Variants in BTRC observed in about 807,000 individuals in gnomAD.
The protein encoded by BTRC is beta-transducin repeat containing E3 ubiquitin protein ligase.
A neutral mutation model predicts 85.5 loss-of-function variants in BTRC; 42 were observed. The ratio of observed to expected loss-of-function variants is 0.49; its 90% confidence interval spans 0.38 to 0.64. The LOEUF (loss-of-function observed/expected upper bound fraction) is 0.64, where lower values mean the gene tolerates loss of function less well. Among genes scored for constraint, BTRC ranks in the 30% least tolerant of loss-of-function variants. The pLI is 0.00. For missense variants in BTRC, 594 were observed against 743.5 expected (o/e 0.80, Z 2.34); for synonymous variants, 255 against 263.3 (o/e 0.97, Z 0.30).
intron 1 of BTRC, among the ~76,000 whole-genome samples, chr10:101,425,424 C>A (rs10883648): frequency 0.36 from 54,870 of 151,868 alleles, 11,002 homozygotes; most frequent in Middle Eastern, 0.48. Context: ...ATTGGGGTGA[C>A]GTTAGGTGGG....
intron 1 of BTRC, among the ~76,000 whole-genome samples, chr10:101,411,316 T>C (rs1381521698): frequency 4.6e-5 from 7 of 152,300 alleles, no homozygotes; most frequent in Admixed American, 1.3e-4. Context: ...TTTTATAGTT[T>C]TGTATGGGTT....
At chr10:101,438,982 T>C (rs1381014009) in intron 2 of BTRC, among the ~76,000 whole-genome samples, 1 of 152,182 alleles carries the variant, frequency 6.6e-6, no homozygotes, top group Admixed American at 6.5e-5. Context: ...TTTTGGTGAA[T>C]AGAAGCCAGA....
rs116039155 is a variant in BTRC at position 101,449,968 on chromosome 10, G to T, written c.157-12013G>T. On this transcript the variant is annotated intron_variant, in intron 2 of 14. Coordinates refer to ENST00000370187, the MANE Select transcript of BTRC (RefSeq NM_033637.4). ...AATAAGTAGATGTAGTTTTGTAATTGCATTCGTACATTAAGCAGGATAAAA... is the reference window on the plus strand; with the variant it reads ...AATAAGTAGATGTAGTTTTGTAATTTCATTCGTACATTAAGCAGGATAAAA... Among the ~76,000 whole-genome samples, 1,391 of 149,466 alleles carry T rather than the reference G, an allele frequency of 9.3e-3. 26 individuals are homozygous for T. Among genetic ancestry groups the T allele is most frequent in the African/African-American group, 0.032 (1,310 of 40,828 alleles).
At chr10:101,476,921 G>A (rs148954953) in intron 3 of BTRC, among the ~76,000 whole-genome samples, 151 of 152,214 alleles carry the variant, frequency 9.9e-4, no homozygotes, top group African/African-American at 3.5e-3. Context: ...AACGTCAACT[G>A]GGGCCTTGTT....
chr10:101,417,819 C>T (rs1485079021), intron 1 of BTRC, among the ~76,000 whole-genome samples: 3 of 152,076 alleles, frequency 2.0e-5, no homozygotes, highest in African/African-American at 7.2e-5. Context: ...ACTACAGATG[C>T]GTGTCACCAT....
intron 1 of BTRC, among the ~76,000 whole-genome samples, chr10:101,403,473 A>T (rs558617674): frequency 6.6e-6 from 1 of 152,182 alleles, no homozygotes; most frequent in African/African-American, 2.4e-5. Context: ...ATTTTTGCCT[A>T]TATGGCCATA....
At chr10:101,431,861 T>G (rs555329249) in intron 2 of BTRC, among the ~76,000 whole-genome samples, 1 of 152,338 alleles carries the variant, frequency 6.6e-6, no homozygotes, top group East Asian at 1.9e-4. Context: ...TTACAAAATT[T>G]AATATTAAAC....
intron 1 of BTRC, among the ~76,000 whole-genome samples, chr10:101,416,141 G>A (rs747096634): frequency 3.3e-5 from 5 of 152,062 alleles, no homozygotes; most frequent in South Asian, 4.1e-4. Flanking sequence ...ATTTCACTCA[G>A]CATAATGTCC....
At chr10:101,543,422 A>G (rs1305774290) in intron 13 of BTRC, among the ~76,000 whole-genome samples, 1 of 149,178 alleles carries the variant, frequency 6.7e-6, no homozygotes, top group Non-Finnish European at 1.5e-5. Context: ...ATTTAAAATG[A>G]ATTTCTCATA....
chr10:101,502,996 GTAT>G (rs1946433222), intron 4 of BTRC, among the ~76,000 whole-genome samples: 2 of 152,030 alleles, frequency 1.3e-5, no homozygotes, highest in South Asian at 4.1e-4. Context: ...ACCTTTATAT[GTAT>G]TATTTTAATC....
At chr10:101,454,957 T>G (rs1945037347) in intron 2 of BTRC, among the ~76,000 whole-genome samples, 1 of 152,172 alleles carries the variant, frequency 6.6e-6, no homozygotes, top group Admixed American at 6.5e-5. Flanking sequence ...CATATTTGAT[T>G]TCATAGAAAT....
chr10:101,397,907 T>G (rs1339954972), intron 1 of BTRC, among the ~76,000 whole-genome samples: 1 of 152,244 alleles, frequency 6.6e-6, no homozygotes. Context: ...TTTCAAACTT[T>G]CTCTGTAATC....
intron 1 of BTRC, among the ~76,000 whole-genome samples, chr10:101,397,046 C>G (rs1943382058): frequency 6.6e-6 from 1 of 152,144 alleles, no homozygotes; most frequent in Non-Finnish European, 1.5e-5. Flanking sequence ...ACAGGTGATC[C>G]ACTCGCCTCG....
At chr10:101,426,118 C>A (rs1214782857) in intron 1 of BTRC, among the ~76,000 whole-genome samples, 1 of 152,154 alleles carries the variant, frequency 6.6e-6, no homozygotes, top group Non-Finnish European at 1.5e-5. Context: ...TTGCTATTTT[C>A]TCCTTCTTTT....
intron 1 of BTRC, among the ~76,000 whole-genome samples, chr10:101,366,819 TTA>T (rs1221886668): frequency 5.4e-5 from 3 of 55,164 alleles, no homozygotes; most frequent in African/African-American, 9.9e-5. Flanking sequence ...TTTATATATA[TTA>T]ATATATATTT....
intron 1 of BTRC, among the ~76,000 whole-genome samples, chr10:101,414,449 A>G (rs1195199482): frequency 6.6e-6 from 1 of 152,230 alleles, no homozygotes; most frequent in African/African-American, 2.4e-5. Flanking sequence ...TGTACAGTAC[A>G]TAATACTTGA....
At position 101,430,436 on chromosome 10, in the gene BTRC, C is replaced by T. The variant is rs757667034; in HGVS notation, c.140C>T (p.Ala47Val). The T allele has an allele frequency of 6.2e-7, 1 of 1,613,822 alleles. No individual in the cohort carries two copies. Among genetic ancestry groups the T allele is most frequent in the African/African-American group, 1.3e-5 (1 of 74,930 alleles). ...LRCLYNPGTG[A>V]LTAFQNSSER... The stretch of plus-strand genomic sequence containing the variant: ...TGCCTGTATAACCCAGGGACTGGCG[C>T]ACTCACAGCTTTCCAGGTACTTTCT... Residue 47 changes from alanine (A) to valine (V), a missense_variant, in exon 2 of 15, where the codon GCA becomes GTA. Physicochemically the swap from Ala to Val is moderately conservative, Grantham distance 64. This residue lies in a region of BTRC where 163 missense variants were observed against 180.5 expected (regional missense o/e 0.90). Transcript: ENST00000370187.
At chr10:101,458,012 T>C (rs1402487136) in intron 2 of BTRC, among the ~76,000 whole-genome samples, 1 of 152,176 alleles carries the variant, frequency 6.6e-6, no homozygotes, top group African/African-American at 2.4e-5. Flanking sequence ...CTGAACAATT[T>C]GAAAGTTACA....
intron 3 of BTRC, among the ~76,000 whole-genome samples, chr10:101,468,259 A>T (rs1162555378): frequency 6.6e-6 from 1 of 152,202 alleles, no homozygotes; most frequent in African/African-American, 2.4e-5. Flanking sequence ...CAATGACCAT[A>T]AAGAGTGTAT....
Sources: gnomAD v4.1 joint callset for allele counts (sites outside exome capture counted in the v4.1 genomes callset) on GRCh38, gnomAD v4.1.1 for gene constraint, gnomAD v4.1.1 regional missense constraint, MANE v1.5 for transcripts, NCBI Gene and HGNC (gene_info 2026-07-23, HGNC 2026-07-21) for gene names.